Variants in UBE4B observed in about 807,000 individuals in gnomAD.
UBE4B encodes ubiquitin conjugation factor E4 B.
Under a neutral mutation model 148.1 loss-of-function variants are expected in UBE4B, and 27 were observed. The observed-to-expected ratio is 0.18, with a 90% confidence interval of 0.13 to 0.25. The LOEUF is 0.25. UBE4B is among the 10% of genes least tolerant of loss of function. UBE4B has a pLI of 1.00. For synonymous variants in UBE4B, 596 were observed against 619.3 expected, an observed-to-expected ratio of 0.96 and a Z score of 0.56; for missense variants, 1,170 against 1,662.4, an observed-to-expected ratio of 0.70 and a Z score of 5.15.
chr1:10,070,389 C>T (rs903597373), intron 1 of UBE4B, among the ~76,000 whole-genome samples: 1 of 150,884 alleles, frequency 6.6e-6, no homozygotes, highest in Non-Finnish European at 1.5e-5. Flanking sequence ...GTATACAACC[C>T]AGTGAGTTTT....
chr1:10,176,734 G>A (rs1381095882), intron 25 of UBE4B, among the ~76,000 whole-genome samples: 1 of 150,378 alleles, frequency 6.6e-6, no homozygotes, highest in Admixed American at 6.6e-5. Flanking sequence ...TTTTTAATTG[G>A]GTTGTTTGTG....
In UBE4B at chr1:10,117,480, A is replaced by G. The variant is rs1487745244; in HGVS notation, c.1218A>G (p.Ala406=). 1 of 1,611,066 alleles carries G rather than the reference A, an allele frequency of 6.2e-7. No individual in the cohort carries two copies. ...GAAGTTTGGGAGCCTCTGGTGGAGC[A>G]AGTAATTGGGATTCCTACAGTGACC... The part of the protein sequence containing the change: ...ISPSLGASGG[A]SNWDSYSDHF... Residue 406 remains alanine (A), a synonymous_variant, in exon 8 of 28, where the codon GCA becomes GCG. Transcript: ENST00000343090.
intron 2 of UBE4B, among the ~76,000 whole-genome samples, chr1:10,079,564 C>T (rs967609020): frequency 3.3e-5 from 5 of 152,156 alleles, no homozygotes; most frequent in African/African-American, 1.2e-4. Context: ...TATTTATATG[C>T]TTCTTTATTA....
intron 16 of UBE4B, among the ~76,000 whole-genome samples, chr1:10,136,551 G>A (rs538135606): frequency 2.0e-5 from 3 of 151,906 alleles, no homozygotes; most frequent in Non-Finnish European, 4.4e-5. Flanking sequence ...GACAGAATAC[G>A]GTGGTCCTTG....
intron 2 of UBE4B, among the ~76,000 whole-genome samples, chr1:10,088,487 T>C (rs4388708): frequency 0.047 from 7,190 of 152,074 alleles, 242 homozygotes; most frequent in Middle Eastern, 0.12. Context: ...GAAATTCTCC[T>C]GCCTCAGCCT....
chr1:10,167,069 T>C (rs1308944337), intron 23 of UBE4B, among the ~76,000 whole-genome samples: 2 of 150,120 alleles, frequency 1.3e-5, no homozygotes, highest in Non-Finnish European at 3.0e-5. Flanking sequence ...GAGGCGGAGG[T>C]TACAGTGAGC....
At chr1:10,110,254 T>C (rs1346223276) in intron 7 of UBE4B, among the ~76,000 whole-genome samples, 1 of 152,238 alleles carries the variant, frequency 6.6e-6, no homozygotes, top group Non-Finnish European at 1.5e-5. Flanking sequence ...TAAGTATTTA[T>C]AGGGGTGATG....
chr1:10,115,272 C>T (rs1645289828), intron 7 of UBE4B, among the ~76,000 whole-genome samples: 1 of 151,524 alleles, frequency 6.6e-6, no homozygotes, highest in Non-Finnish European at 1.5e-5. Flanking sequence ...CAGGCATGAG[C>T]CACCGTGCCC....
chr1:10,146,700 C>T (rs1645878878), intron 18 of UBE4B, among the ~76,000 whole-genome samples: 1 of 152,098 alleles, frequency 6.6e-6, no homozygotes, highest in Non-Finnish European at 1.5e-5. Flanking sequence ...AGGTTATTTA[C>T]TTGTGACTGT....
At chr1:10,110,363 C>T (rs995309080) in intron 7 of UBE4B, among the ~76,000 whole-genome samples, 42 of 151,986 alleles carry the variant, frequency 2.8e-4, no homozygotes, top group African/African-American at 9.7e-4. Flanking sequence ...GCTTTTTGCG[C>T]GAGTGGCATA....
intron 15 of UBE4B, among the ~76,000 whole-genome samples, 186 bp from the exon 16 acceptor site, chr1:10,134,802 T>C (rs1468133734): frequency 6.6e-6 from 1 of 151,522 alleles, no homozygotes; most frequent in African/African-American, 2.4e-5. Flanking sequence ...GAAGCTGAGG[T>C]GGGCGGATCA....
chr1:10,048,727 A>G (rs1009694994), intron 1 of UBE4B, among the ~76,000 whole-genome samples: 1 of 152,214 alleles, frequency 6.6e-6, no homozygotes, highest in African/African-American at 2.4e-5. Context: ...GGTTACCTTG[A>G]CAAGACTGAT....
chr1:10,115,660 G>A lies in UBE4B; in HGVS notation c.1197-1799G>A, dbSNP rs556925194. On this transcript the variant is annotated intron_variant, in intron 7 of 27. Transcript: ENST00000343090. ...TCCATACAGACATGTGTCCTTTAAC[G>A]AGAGGGATACATTCTGAGAAATGGA... Among the ~76,000 whole-genome samples, 4 of 152,268 alleles carry A rather than the reference G, an allele frequency of 2.6e-5. No homozygotes were observed. The East Asian group carries it at 7.7e-4, about 29-fold the overall frequency.
At chr1:10,132,603 A>T in intron 15 of UBE4B, 121 bp downstream of exon 15, 1 of 732,348 alleles carries the variant, frequency 1.4e-6, no homozygotes, top group Non-Finnish European at 2.2e-6. Flanking sequence ...AAGGTAGACG[A>T]GCTTCCTGCT....
At chr1:10,088,105 C>T (rs1036959249) in intron 2 of UBE4B, among the ~76,000 whole-genome samples, 20 of 152,074 alleles carry the variant, frequency 1.3e-4, no homozygotes, top group Non-Finnish European at 2.8e-4. Context: ...TTTCTAGCAC[C>T]GTATGATGCT....
At chr1:10,035,238 G>A (rs1195471510) in intron 1 of UBE4B, among the ~76,000 whole-genome samples, 2 of 151,104 alleles carry the variant, frequency 1.3e-5, no homozygotes, top group African/African-American at 4.9e-5. Flanking sequence ...ACCTCGTGAT[G>A]CACCCGCCTC....
intron 1 of UBE4B, among the ~76,000 whole-genome samples, chr1:10,067,488 C>T (rs1644409772): frequency 6.6e-6 from 1 of 151,624 alleles, no homozygotes; most frequent in African/African-American, 2.4e-5. Flanking sequence ...TTAAAAAAGT[C>T]AAGTAAACAA....
chr1:10,096,058 A>G (rs545940414), intron 3 of UBE4B, among the ~76,000 whole-genome samples: 1 of 152,330 alleles, frequency 6.6e-6, no homozygotes, highest in South Asian at 2.1e-4. Flanking sequence ...GGTATGAGCC[A>G]CTGTGCGTGG....
chr1:10,071,235 T>C (rs901587986), intron 1 of UBE4B, among the ~76,000 whole-genome samples: 3 of 152,162 alleles, frequency 2.0e-5, no homozygotes, highest in Non-Finnish European at 4.4e-5. Flanking sequence ...ATCTTACCTA[T>C]TTGAAATGAC....
Sources: gnomAD v4.1 joint callset for allele counts (sites outside exome capture counted in the v4.1 genomes callset) on GRCh38, gnomAD v4.1.1 for gene constraint, MANE v1.5 for transcripts, NCBI Gene and HGNC (gene_info 2026-07-23, HGNC 2026-07-21) for gene names.